FIGLA: variants seen among roughly 807,000 people sequenced by gnomAD.
The protein encoded by FIGLA is factor in the germline alpha.
In FIGLA, 17 loss-of-function variants were observed where a neutral mutation model predicts 21.5. The ratio of observed to expected loss-of-function variants is 0.79; its 90% CI spans 0.54 to 1.19. The LOEUF (loss-of-function observed/expected upper bound fraction) is 1.19. Ranked by LOEUF, FIGLA falls within the 50% of genes most tolerant of loss-of-function variation. The probability of loss-of-function intolerance (pLI) is 0.00; values close to 1 mark genes in which losing one functional copy is unlikely to be tolerated. For synonymous variants in FIGLA, 129 were observed against 117.6 expected (o/e 1.10, Z -0.63); for missense variants, 282 against 285.0 (o/e 0.99, Z 0.08).
chr2:70,777,565 A>T, intron 4 of FIGLA, 72 bp downstream of exon 4: 1 of 1,561,800 alleles, frequency 6.4e-7, no homozygotes. Context: ...AATGTGATGG[A>T]ATTAGCACTC....
intron 1 of FIGLA, among the ~76,000 whole-genome samples, chr2:70,788,160 G>C (rs970389417): frequency 4.6e-5 from 7 of 152,210 alleles, no homozygotes; most frequent in Non-Finnish European, 1.0e-4. Context: ...ATTTACAAGA[G>C]TGTGTGGAAT....
At chr2:70,782,645 A>C (rs1675876164) in intron 3 of FIGLA, among the ~76,000 whole-genome samples, 1 of 152,244 alleles carries the variant, frequency 6.6e-6, no homozygotes, top group Non-Finnish European at 1.5e-5. Flanking sequence ...TTTGTAAGAA[A>C]TGTACACTGA....
intron 2 of FIGLA, 83 bp downstream of exon 2, chr2:70,787,566 T>C (rs1675978691): frequency 7.5e-7 from 1 of 1,327,754 alleles, no homozygotes; most frequent in African/African-American, 1.5e-5. Flanking sequence ...AAAGTATACA[T>C]ATATCACTTG....
chr2:70,781,416 C>T (rs782317704), intron 3 of FIGLA, among the ~76,000 whole-genome samples: 3 of 152,094 alleles, frequency 2.0e-5, no homozygotes, highest in East Asian at 1.9e-4. Context: ...AAGGAGCTTT[C>T]GCTGGCCACA....
intron 2 of FIGLA, among the ~76,000 whole-genome samples, chr2:70,785,906 A>T (rs1286913815): frequency 3.3e-5 from 5 of 152,184 alleles, no homozygotes; most frequent in African/African-American, 1.2e-4. Flanking sequence ...CACTTCTGTT[A>T]CACAATTGAC....
chr2:70,786,949 T>A (rs1675966492), intron 2 of FIGLA, among the ~76,000 whole-genome samples: 1 of 152,212 alleles, frequency 6.6e-6, no homozygotes, highest in Non-Finnish European at 1.5e-5. Context: ...CTCTTCCTAT[T>A]TTGTTTCCCC....
chr2:70,789,060 T>C (rs1181276880), intron 1 of FIGLA, among the ~76,000 whole-genome samples: 1 of 152,196 alleles, frequency 6.6e-6, no homozygotes, highest in African/African-American at 2.4e-5. Flanking sequence ...AGTCAAAAAC[T>C]ATTCTTTGAA....
chr2:70,788,734 T>C (rs1553390399), intron 1 of FIGLA, among the ~76,000 whole-genome samples: 1 of 152,230 alleles, frequency 6.6e-6, no homozygotes, highest in Non-Finnish European at 1.5e-5. Flanking sequence ...TTTTTATGTA[T>C]CAAGGTGGTA....
At chr2:70,783,149 G>T (rs2104598779) in intron 3 of FIGLA, among the ~76,000 whole-genome samples, 1 of 152,146 alleles carries the variant, frequency 6.6e-6, no homozygotes, top group South Asian at 2.1e-4. Context: ...CAAAAAAATG[G>T]CACTCTTTAC....
At chr2:70,782,629 G>A (rs1380830381) in intron 3 of FIGLA, among the ~76,000 whole-genome samples, 1 of 152,242 alleles carries the variant, frequency 6.6e-6, no homozygotes, top group Admixed American at 6.5e-5. Context: ...GCAGGGGAAT[G>A]TCCTGTTTGT....
At chr2:70,779,249 C>T (rs1333627591) in intron 3 of FIGLA, among the ~76,000 whole-genome samples, 9 of 152,166 alleles carry the variant, frequency 5.9e-5, no homozygotes, top group African/African-American at 1.9e-4. Flanking sequence ...GGCACCCACC[C>T]CATTAAATGG....
rs1553390218 is a variant in FIGLA at position 70,787,635 on chromosome 2, T to C, written c.384+14A>G. The C allele has an allele frequency of 3.2e-6, 5 of 1,552,958 alleles. No individual in the cohort carries two copies. In the East Asian group the frequency reaches 9.7e-5, roughly 30 times the overall value. On this transcript the variant is annotated intron_variant, in intron 2 of 4. Coordinates refer to ENST00000332372, the MANE Select transcript of FIGLA (RefSeq NM_001004311.3). ...AATGGTGGCTATCATTATTCTAAAA[T>C]CTTACACCTTTACCTTTGAGTCTTT...
intron 2 of FIGLA, among the ~76,000 whole-genome samples, chr2:70,787,325 T>C (rs1675974789): frequency 6.6e-6 from 1 of 152,168 alleles, no homozygotes; most frequent in Non-Finnish European, 1.5e-5. Context: ...CCCTCCTATG[T>C]CCAGCTGTAG....
chr2:70,786,847 A>T (rs1361900997), intron 2 of FIGLA, among the ~76,000 whole-genome samples: 1 of 151,814 alleles, frequency 6.6e-6, no homozygotes, highest in Non-Finnish European at 1.5e-5. Flanking sequence ...TTATGACCCC[A>T]TCTTGTTCCT....
chr2:70,786,781 CTG>C (rs1553390105), intron 2 of FIGLA, among the ~76,000 whole-genome samples: 1 of 152,162 alleles, frequency 6.6e-6, no homozygotes, highest in Non-Finnish European at 1.5e-5. Flanking sequence ...TTCAGCCTCT[CTG>C]TAACCTCTCA....
At chr2:70,790,315 G>A (rs1676037338) in intron 1 of FIGLA, 93 bp downstream of exon 1, 1 of 1,335,560 alleles carries the variant, frequency 7.5e-7, no homozygotes, top group South Asian at 1.6e-5. Flanking sequence ...CTCGAGCGGG[G>A]GTGGGCGGTG....
intron 1 of FIGLA, among the ~76,000 whole-genome samples, chr2:70,788,108 A>G (rs1675990199): frequency 6.6e-6 from 1 of 152,248 alleles, no homozygotes; most frequent in Admixed American, 6.5e-5. Context: ...GAGTGGCTAA[A>G]ATATGAATTA....
intron 3 of FIGLA, among the ~76,000 whole-genome samples, chr2:70,783,483 G>GGCCT (rs1381182491): frequency 2.6e-5 from 4 of 152,162 alleles, no homozygotes; most frequent in African/African-American, 9.7e-5. Context: ...GCCAAGCACA[G>GGCCT]GCCTGCTCTG....
Position 70,790,631 on chromosome 2 carries a change from G to A in FIGLA, c.8C>T (p.Pro3Leu). 7.1e-7 allele frequency: 1 copy of A among 1,413,160 alleles called. No homozygotes were observed. The highest frequency in any genetic ancestry group is 2.5e-4 in the Middle Eastern group (1 of 4,018). The allele number at this position is 1,413,160 out of a possible 1,614,324, so 87.5% of individuals were successfully genotyped here. Residue 3 changes from proline to leucine, a missense_variant, in exon 1 of 5, where the codon CCC becomes CTC. By Grantham distance (98) the Pro-to-Leu change is moderately conservative. Coordinates refer to ENST00000332372, the MANE Select transcript of FIGLA (RefSeq NM_001004311.3). ...GCGGGGATCTAGGACGCCGGGCGCG[G>A]GGTCCATGGCAGGGCCGAGGCCGCT... MD[P>L]APGVLDPRAA...
Sources: allele counts gnomAD v4.1 joint callset (sites outside exome capture counted in the v4.1 genomes callset), GRCh38; gene constraint gnomAD v4.1.1; transcripts MANE v1.5; gene names NCBI Gene and HGNC (gene_info 2026-07-23, HGNC 2026-07-21).